RYR3: variants seen among roughly 807,000 people sequenced by gnomAD.
RYR3 encodes the protein brain ryanodine receptor-calcium release channel.
In RYR3, 207 loss-of-function variants were observed where a neutral mutation model predicts 584.3. That is an observed-to-expected ratio of 0.35 (90% CI 0.32 to 0.40). The LOEUF is 0.40. Among genes scored for constraint, RYR3 ranks in the 10% least tolerant of loss-of-function variants. The pLI, the probability that RYR3 is intolerant of heterozygous loss-of-function variation, is 1.00. For synonymous variants in RYR3, 2,416 were observed against 2,248.5 expected (o/e 1.07, Z -2.11); for missense variants, 5,616 against 6,089.2 (o/e 0.92, Z 2.59).
rs34401708 is a variant in RYR3 at position 33,339,888 on chromosome 15, C to CAAA, written c.51+28806_51+28808dup. Among the ~76,000 whole-genome samples, 371 of 135,478 alleles carry CAAA rather than the reference C, an allele frequency of 2.7e-3. 4 individuals carry two copies. Among genetic ancestry groups the CAAA allele is most frequent in the African/African-American group, 5.0e-3 (180 of 36,292 alleles). The allele number at this position is 135,478 out of a possible 152,430, so 88.9% of individuals were successfully genotyped here. A position where few individuals can be genotyped will look rare whatever the true frequency, so the allele number is the denominator to read the frequency against. ...TGGGCGACAGAGCAAGACTCCGTCT[C>CAAA]AAAAAAAAAAAAAAAATTGCCATTA... On this transcript the variant is annotated intron_variant, in intron 1 of 103. Coordinates refer to ENST00000634891, the MANE Select transcript of RYR3 (RefSeq NM_001036.6).
At chr15:33,502,338 C>T (rs900070716) in intron 2 of RYR3, among the ~76,000 whole-genome samples, 7 of 152,102 alleles carry the variant, frequency 4.6e-5, no homozygotes, top group East Asian at 3.8e-4. Context: ...GAGAGGTTGT[C>T]GGAGCCTTAG....
In RYR3 at chr15:33,823,002, C is replaced by G. The variant is rs756138768; in HGVS notation, c.11002C>G (p.Leu3668Val). The G allele has an allele frequency of 1.2e-6, 2 of 1,612,902 alleles. No homozygotes were observed. The highest frequency in any genetic ancestry group is 1.1e-5 in the South Asian group (1 of 90,882). The change falls in exon 81 of 104, where the codon CTA (leucine) becomes GTA (valine). Residue 3668 changes from leucine to valine, a missense_variant. By Grantham distance (32) the Leu-to-Val change is conservative. Around this residue, in one of 9 missense-constraint regions of RYR3, gnomAD observed 954 missense variants for 1,132.2 expected, o/e 0.84. Transcript: ENST00000634891. ...CAACGTGTCTCCCTTGCAGAAAATGCTAGATTACCTAAAGGAGAAAAAGGA... is the reference window on the plus strand; with the variant it reads ...CAACGTGTCTCCCTTGCAGAAAATGGTAGATTACCTAAAGGAGAAAAAGGA... Reference protein sequence around the residue: ...GGNAGVQQKMLDYLKEKKDAG... With the variant: ...GGNAGVQQKMVDYLKEKKDAG...
intron 16 of RYR3, among the ~76,000 whole-genome samples, chr15:33,592,558 T>G (rs12592583): frequency 0.16 from 24,518 of 152,154 alleles, 2,786 homozygotes; most frequent in East Asian, 0.64. Flanking sequence ...TGGCCAGAAT[T>G]TAGTCCCCTA....
rs2229119 is a variant in RYR3, at chr15:33,629,953, A to G, written c.2693A>G (p.Asn898Ser). The G allele has an allele frequency of 1.6e-3, 2,565 of 1,599,656 alleles. 3 individuals carry two copies. Among genetic ancestry groups the G allele is most frequent in the Non-Finnish European group, 1.6e-3 (1,929 of 1,171,774 alleles). Residue 898 changes from asparagine (N) to serine (S), a missense_variant, in exon 22 of 104, where the codon AAT becomes AGT. Physicochemically the swap from Asn to Ser is conservative, Grantham distance 46 (BLOSUM62 1). Transcript: ENST00000634891. ...GWTFGKIRDD[N>S]KRQHPCLVEF... is the part of the protein sequence containing the mutation. ...GTCACCACCTAGATACGAGATGACA[A>G]TAAAAGACAACACCCTTGCCTTGTG...
chr15:33,540,924 T>C (rs759356810), intron 7 of RYR3, 34 bp downstream of exon 7: 2 of 1,349,198 alleles, frequency 1.5e-6, no homozygotes, highest in Non-Finnish European at 2.1e-6. Context: ...GCCCTGAGCC[T>C]GCCTATCTCT....
At chr15:33,807,521 C>G in intron 69 of RYR3, 34 bp from the exon 70 acceptor site, 2 of 1,550,952 alleles carry the variant, frequency 1.3e-6, no homozygotes, top group Non-Finnish European at 8.7e-7. Context: ...ACTGACTCTT[C>G]TCCTTGTTTC....
At chr15:33,359,364 A>G (rs769304610) in intron 1 of RYR3, among the ~76,000 whole-genome samples, 13 of 152,012 alleles carry the variant, frequency 8.6e-5, no homozygotes, top group African/African-American at 1.4e-4. Flanking sequence ...GTGTGTCTTT[A>G]TTTTCCCGAC....
At chr15:33,494,343 C>T (rs1453476698) in intron 2 of RYR3, among the ~76,000 whole-genome samples, 3 of 152,186 alleles carry the variant, frequency 2.0e-5, no homozygotes, top group Non-Finnish European at 2.9e-5. Context: ...ACATGATCAA[C>T]TTATTCCAAC....
intron 25 of RYR3, 39 bp from the exon 26 acceptor site, chr15:33,635,575 C>T (rs2061459653): frequency 1.3e-6 from 2 of 1,516,970 alleles, no homozygotes; most frequent in African/African-American, 2.7e-5. Context: ...TTCTCTCTTT[C>T]CCTTCCACAC....
chr15:33,619,342 A>G (rs1304020471), intron 19 of RYR3, among the ~76,000 whole-genome samples: 1 of 152,244 alleles, frequency 6.6e-6, no homozygotes, highest in African/African-American at 2.4e-5. Context: ...TTTTAAATTT[A>G]ACATTTTGGG....
Position 33,853,686 on chromosome 15 carries a change from C to G in RYR3, c.13799+4C>G. 4 of 1,611,452 alleles carry G rather than the reference C, an allele frequency of 2.5e-6. No individual in the cohort carries two copies. Among genetic ancestry groups the G allele is most frequent in the South Asian group, 1.1e-5 (1 of 90,798 alleles). ...AAGCGGCTTCTCTGGTGTCATGGTACAAAAAGCTTAGGAGTTCAAATCCAA... is the reference window on the plus strand; with the variant it reads ...AAGCGGCTTCTCTGGTGTCATGGTAGAAAAAGCTTAGGAGTTCAAATCCAA... On this transcript the variant is annotated splice_donor_region_variant and intron_variant, in intron 96 of 103. Transcript: ENST00000634891.
At chr15:33,769,536 GCA>G (rs34263124) in intron 62 of RYR3, among the ~76,000 whole-genome samples, 57,628 of 152,076 alleles carry the variant, frequency 0.38, 12,841 homozygotes, top group East Asian at 0.78. Context: ...GGAAGGAAAT[GCA>G]CAGAGATCTG....
chr15:33,672,373 C>T (rs1340468527), intron 38 of RYR3, among the ~76,000 whole-genome samples: 1 of 152,206 alleles, frequency 6.6e-6, no homozygotes, highest in Non-Finnish European at 1.5e-5. Context: ...AGAGGCCAGC[C>T]CTGTATGAGA....
At chr15:33,697,613 A>C (rs539301484) in intron 39 of RYR3, among the ~76,000 whole-genome samples, 46 of 152,362 alleles carry the variant, frequency 3.0e-4, no homozygotes, top group African/African-American at 1.1e-3. Context: ...ACAAGAAAAA[A>C]TAAAACAAGG....
intron 63 of RYR3, 131 bp from the exon 64 acceptor site, chr15:33,773,403 A>G: frequency 1.5e-6 from 1 of 677,652 alleles, no homozygotes; most frequent in Non-Finnish European, 2.6e-6. Context: ...GAAAAGGGAT[A>G]TGTTTGTTGA....
chr15:33,553,104 G>A (rs1229257142), intron 10 of RYR3, among the ~76,000 whole-genome samples: 1 of 152,144 alleles, frequency 6.6e-6, no homozygotes, highest in Non-Finnish European at 1.5e-5. Flanking sequence ...CTGAGGGAGT[G>A]GTGGAGACAG....
intron 44 of RYR3, among the ~76,000 whole-genome samples, chr15:33,723,543 G>A (rs779622273): frequency 3.3e-5 from 5 of 152,070 alleles, no homozygotes; most frequent in African/African-American, 4.8e-5. Context: ...CTAGAGAGTG[G>A]GCATAACCCA....
At chr15:33,853,534 C>T (rs760431307) in intron 95 of RYR3, 21 bp from the exon 96 acceptor site, 2 of 1,611,586 alleles carry the variant, frequency 1.2e-6, no homozygotes, top group Non-Finnish European at 1.7e-6. Flanking sequence ...CCTGAGCTCA[C>T]CCTGTCATCC....
chr15:33,622,187 A>G (rs1034406813), intron 19 of RYR3, among the ~76,000 whole-genome samples: 11 of 152,154 alleles, frequency 7.2e-5, no homozygotes, highest in African/African-American at 2.7e-4. Context: ...GCAGCTTTCC[A>G]TTTGGAATAA....
Sources: gnomAD v4.1 joint callset for allele counts (sites outside exome capture counted in the v4.1 genomes callset) on GRCh38, gnomAD v4.1.1 for gene constraint, gnomAD v4.1.1 regional missense constraint, MANE v1.5 for transcripts, NCBI Gene and HGNC (gene_info 2026-07-23, HGNC 2026-07-21) for gene names.